The following PPP1CC variants were observed in gnomAD, a reference collection of about 807,000 sequenced individuals.
PPP1CC encodes the protein serine/threonine-protein phosphatase PP1-gamma catalytic subunit.
A neutral mutation model predicts 38.4 loss-of-function variants in PPP1CC; 16 were observed. The observed-to-expected ratio is 0.42, with a 90% confidence interval of 0.28 to 0.63. The LOEUF (loss-of-function observed/expected upper bound fraction) is 0.63, where lower values mean the gene tolerates loss of function less well. PPP1CC is among the 30% of genes least tolerant of loss of function. The pLI is 0.25. For synonymous variants in PPP1CC, 158 were observed against 136.0 expected, an observed-to-expected ratio of 1.16 and a Z score of -1.13; for missense variants, 170 against 391.3, an observed-to-expected ratio of 0.43 and a Z score of 4.77.
downstream of PPP1CC, among the ~76,000 whole-genome samples, chr12:110,715,312 T>C (rs892416529): frequency 2.0e-5 from 3 of 152,172 alleles, no homozygotes; most frequent in South Asian, 4.1e-4. Context: ...AAGAATGAAT[T>C]TGAAATTCTA....
chr12:110,709,481 A>G, the PPP1CC span, among the ~76,000 whole-genome samples: 1 of 151,878 alleles, frequency 6.6e-6, no homozygotes, highest in African/African-American at 2.4e-5. Context: ...ACCCACCTCG[A>G]GCTCCCAAAG....
At chr12:110,724,242 A>T (rs1382673378) in intron 4 of PPP1CC, among the ~76,000 whole-genome samples, 2 of 151,750 alleles carry the variant, frequency 1.3e-5, no homozygotes, top group South Asian at 2.1e-4. Flanking sequence ...TGTCTCAAAA[A>T]ACAAAAACAA....
intron 2 of PPP1CC, among the ~76,000 whole-genome samples, 196 bp downstream of exon 2, chr12:110,731,574 A>C (rs1482646504): frequency 1.3e-5 from 2 of 152,118 alleles, no homozygotes; most frequent in Non-Finnish European, 2.9e-5. Context: ...TTTTTTAAAA[A>C]TCTGAAGTAC....
chr12:110,738,412 C>T (rs918790135), intron 1 of PPP1CC, among the ~76,000 whole-genome samples: 8 of 152,154 alleles, frequency 5.3e-5, no homozygotes, highest in Admixed American at 1.3e-4. Context: ...ATATTTTAAT[C>T]TCTCAGGTCA....
At chr12:110,716,909 G>GC (rs1175401944), downstream of PPP1CC, among the ~76,000 whole-genome samples, 1 of 152,184 alleles carries the variant, frequency 6.6e-6, no homozygotes, top group African/African-American at 2.4e-5. Flanking sequence ...ATGCACTAAT[G>GC]CAAGTACTCA....
chr12:110,728,457 C>T (rs960978754), intron 3 of PPP1CC, among the ~76,000 whole-genome samples: 2 of 151,006 alleles, frequency 1.3e-5, no homozygotes, highest in African/African-American at 2.4e-5. Context: ...AATAAGTATC[C>T]AAAACACAGT....
At chr12:110,715,044 T>A (rs1387511690), downstream of PPP1CC, among the ~76,000 whole-genome samples, 6 of 151,848 alleles carry the variant, frequency 4.0e-5, no homozygotes, top group East Asian at 1.9e-4. Flanking sequence ...TCCAAGAATA[T>A]AACGACCAGT....
At chr12:110,719,243 C>T (rs917109271), downstream of PPP1CC, among the ~76,000 whole-genome samples, 4 of 152,042 alleles carry the variant, frequency 2.6e-5, no homozygotes, top group African/African-American at 9.7e-5. Context: ...AATGAGGTCC[C>T]CCTTCCCTCT....
intron 6 of PPP1CC, 160 bp downstream of exon 6, chr12:110,721,975 G>T (rs2069743959): frequency 3.9e-6 from 3 of 764,858 alleles, no homozygotes; most frequent in Admixed American, 3.4e-5. Flanking sequence ...TTTTACAAGG[G>T]ATCCACACAT....
At position 110,720,976 on chromosome 12, in the gene PPP1CC, GATCT is replaced by G; in HGVS notation, c.*96_*99del. 3.9e-6 allele frequency: 4 copies of G among 1,017,158 alleles called. No homozygotes were observed. Among genetic ancestry groups the G allele is most frequent in the East Asian group, 2.6e-5 (1 of 38,016 alleles). The allele number at this position is 1,017,158 out of a possible 1,614,324, so 63.0% of individuals were successfully genotyped here. On this transcript the variant is annotated 3_prime_UTR_variant, in exon 7 of 7. Transcript: ENST00000335007. ...GGAAGGAAGGGCCCCCACAAACACA[GATCT>G]ATCTGAGCAAGCTGACCAGTACACA...
chr12:110,721,330 T>C lies in PPP1CC; in HGVS notation c.883-165A>G, dbSNP rs2069736953. ...CACAAGCTATGTTGAATGTAAACAT[T>C]TGGTAATTAACGCTATGACGAACAG... On this transcript the variant is annotated intron_variant, in intron 6 of 6. Coordinates refer to ENST00000335007, the MANE Select transcript of PPP1CC (RefSeq NM_002710.4). 4 of 563,956 alleles carry C rather than the reference T, an allele frequency of 7.1e-6. No individual in the cohort carries two copies. The South Asian group carries it at 8.7e-5, about 12-fold the overall frequency. The allele number at this position is 563,956 out of a possible 1,614,324, so 34.9% of individuals were successfully genotyped here. A position where few individuals can be genotyped will look rare whatever the true frequency, so the allele number is the denominator to read the frequency against.
intron 1 of PPP1CC, 150 bp downstream of exon 1, chr12:110,742,503 C>T: frequency 1.7e-6 from 1 of 587,548 alleles, no homozygotes. Flanking sequence ...CCTCCGGCTG[C>T]AGTCCCCGGC....
chr12:110,712,520 A>C, the PPP1CC span, among the ~76,000 whole-genome samples: 9 of 150,598 alleles, frequency 6.0e-5, no homozygotes, highest in Non-Finnish European at 1.0e-4. Flanking sequence ...GGTGCCTGTA[A>C]TTCCAGGTAC....
chr12:110,721,985 T>C, intron 6 of PPP1CC, 150 bp downstream of exon 6: 2 of 838,384 alleles, frequency 2.4e-6, no homozygotes, highest in South Asian at 5.1e-5. Context: ...GATCCACACA[T>C]TATTCAACTA....
At chr12:110,738,242 G>A (rs888662687) in intron 1 of PPP1CC, among the ~76,000 whole-genome samples, 17 of 152,130 alleles carry the variant, frequency 1.1e-4, no homozygotes, top group Admixed American at 2.0e-4. Flanking sequence ...CACATCATCT[G>A]TTCTTGATGC....
intron 2 of PPP1CC, 88 bp from the exon 3 acceptor site, chr12:110,730,847 C>A (rs2069863516): frequency 2.3e-6 from 2 of 869,962 alleles, no homozygotes; most frequent in Admixed American, 2.9e-5. Flanking sequence ...TTTAAATATT[C>A]ATTGTACAAT....
intron 3 of PPP1CC, among the ~76,000 whole-genome samples, chr12:110,730,143 G>C (rs146938709): frequency 6.6e-4 from 101 of 152,350 alleles, no homozygotes; most frequent in Admixed American, 1.2e-3. Flanking sequence ...CAGATTCCTT[G>C]AGCCAGGAGT....
At chr12:110,709,151 A>G in the PPP1CC span, among the ~76,000 whole-genome samples, 2 of 152,206 alleles carry the variant, frequency 1.3e-5, no homozygotes, top group Non-Finnish European at 2.9e-5. Flanking sequence ...CAAATGATAG[A>G]TACAAACCCA....
chr12:110,723,109 A>G (rs1258866333), intron 4 of PPP1CC, among the ~76,000 whole-genome samples: 1 of 152,272 alleles, frequency 6.6e-6, no homozygotes, highest in Non-Finnish European at 1.5e-5. Flanking sequence ...GGAAACCTGC[A>G]CTGTTCACAG....
Sources: gnomAD v4.1 joint callset for allele counts (sites outside exome capture counted in the v4.1 genomes callset) on GRCh38, gnomAD v4.1.1 for gene constraint, MANE v1.5 for transcripts, NCBI Gene and HGNC (gene_info 2026-07-23, HGNC 2026-07-21) for gene names.